Variants in SAGE1 observed in about 807,000 individuals in gnomAD.
SAGE1 encodes the protein cancer/testis antigen 14.
In SAGE1, 55 loss-of-function variants were observed where a neutral mutation model predicts 55.4. The ratio of observed to expected loss-of-function variants is 0.99; its 90% confidence interval spans 0.80 to 1.24. The LOEUF is 1.24. Among genes scored for constraint, SAGE1 ranks in the 50% most tolerant of loss-of-function variants. The probability of loss-of-function intolerance (pLI) is 0.00; values close to 1 mark genes in which losing one functional copy is unlikely to be tolerated. For missense variants in SAGE1, 710 were observed against 704.4 expected (o/e 1.01, Z -0.09); for synonymous variants, 240 against 244.3 (o/e 0.98, Z 0.17).
At chrX:135,900,784 CT>C (rs782447887) in intron 2 of SAGE1, among the ~76,000 whole-genome samples, 132 of 110,695 alleles carry the variant, frequency 1.2e-3, no homozygotes, top group Non-Finnish European at 2.1e-3. Flanking sequence ...TCAATCTATC[CT>C]ACCCTTCATT....
chrX:135,905,908 A>T (rs2088777572), intron 5 of SAGE1, 116 bp from the exon 6 acceptor site: 2 of 658,281 alleles, frequency 3.0e-6, no homozygotes, highest in Non-Finnish European at 4.6e-6. Flanking sequence ...TCACCACCTG[A>T]TATGTCCTCC....
At chrX:135,893,811 C>A (rs1315949574) in intron 1 of SAGE1, among the ~76,000 whole-genome samples, 30 bp downstream of exon 1, 1 of 111,738 alleles carries the variant, frequency 8.9e-6, no homozygotes, top group Non-Finnish European at 1.9e-5. Flanking sequence ...GCAAATATAT[C>A]TTGTGATATA....
chrX:135,902,425 ATACTC>A (rs2088695859), intron 3 of SAGE1, among the ~76,000 whole-genome samples: 1 of 112,290 alleles, frequency 8.9e-6, no homozygotes, highest in Non-Finnish European at 1.9e-5. Context: ...CTCTCCAAAA[ATACTC>A]TACTTTTAGC....
At chrX:135,902,187 A>C (rs1190308499) in intron 3 of SAGE1, among the ~76,000 whole-genome samples, 1 of 110,952 alleles carries the variant, frequency 9.0e-6, no homozygotes, top group Admixed American at 9.6e-5. Context: ...CCCAAAGCTT[A>C]ATCCTAGACT....
Position 135,911,615 on chromosome X carries a change from T to C in SAGE1, c.2183T>C (p.Met728Thr), listed in dbSNP as rs1556606582. 2 of 1,207,766 alleles carry C rather than the reference T, an allele frequency of 1.7e-6. No individual in the cohort carries two copies. Among genetic ancestry groups the C allele is most frequent in the Non-Finnish European group, 2.2e-6 (2 of 892,501 alleles). The change falls in exon 18 of 20, where the codon ATG (methionine) becomes ACG (threonine). Residue 728 changes from methionine (M) to threonine (T), a missense_variant. Coordinates refer to ENST00000370709, the MANE Select transcript of SAGE1 (RefSeq NM_001381902.1). ...TVIHDIQEEE[M>T]ENDQTPPDGF... is the part of the protein sequence containing the mutation. ...ATTCACGATATCCAGGAGGAGGAGA[T>C]GGAAAATGATCAAACCCCTCCTGAT...
intron 2 of SAGE1, among the ~76,000 whole-genome samples, chrX:135,898,566 C>A (rs1556595030): frequency 1.8e-5 from 2 of 111,765 alleles, no homozygotes; most frequent in Non-Finnish European, 3.8e-5. Context: ...CAGGAATCAC[C>A]ACACTGTCAT....
At chrX:135,907,526 G>T in intron 9 of SAGE1, 73 bp downstream of exon 9, 1 of 1,054,977 alleles carries the variant, frequency 9.5e-7, no homozygotes, top group South Asian at 2.2e-5. Context: ...AGGGAAGGAG[G>T]TTGTTTTATT....
In SAGE1 at chrX:135,908,940, T is replaced by A. The variant is rs1454230023; in HGVS notation, c.1518T>A (p.Asn506Lys). 8.3e-7 allele frequency: 1 copy of A among 1,207,416 alleles called. No homozygotes were observed. The highest frequency in any genetic ancestry group is 1.1e-6 in the Non-Finnish European group (1 of 893,168). ...GKPQTDKVIS[N>K]DAPQLGHMAA... ...CCCAAACTGATAAGGTCATATCAAA[T>A]GATGCACCACAGCTTGGTCATATGG... Residue 506 changes from asparagine to lysine, a missense_variant, in exon 13 of 20, where the codon AAT becomes AAA. Asn to Lys is a moderately conservative substitution (Grantham distance 94, BLOSUM62 0). Coordinates refer to ENST00000370709, the MANE Select transcript of SAGE1 (RefSeq NM_001381902.1).
Position 135,904,512 on chromosome X carries a change from A to T in SAGE1, c.256A>T (p.Ile86Leu). ...AVTHSICEER[I>L]NNGQPVADNV... is the part of the protein sequence containing the mutation. ...CACTCACAGCATTTGTGAAGAGAGG[A>T]TAAATAACGGCCAACCAGTAGCTGA... The change falls in exon 4 of 20, where the codon ATA becomes TTA. Residue 86 changes from isoleucine (I) to leucine (L), a missense_variant. By Grantham distance (5) the Ile-to-Leu change is conservative (BLOSUM62 2). Transcript: ENST00000370709. 1 of 1,207,225 alleles carries T rather than the reference A, an allele frequency of 8.3e-7. No homozygotes were observed. The highest frequency in any genetic ancestry group is 1.1e-6 in the Non-Finnish European group (1 of 892,450).
chrX:135,901,141 TAAAAAAAAAAA>T, intron 2 of SAGE1, among the ~76,000 whole-genome samples: 1 of 48,825 alleles, frequency 2.0e-5, no homozygotes, highest in Admixed American at 2.8e-4. Context: ...AGACTCCGTC[TAAAAAAAAAAA>T]AAAAAAAAAA....
chrX:135,899,323 G>A (rs1334220744), intron 2 of SAGE1, among the ~76,000 whole-genome samples: 2 of 111,533 alleles, frequency 1.8e-5, no homozygotes, highest in African/African-American at 6.5e-5. Flanking sequence ...TCTTATTTCC[G>A]AGTTCTCTAT....
Position 135,908,961 on chromosome X carries a change from T to C in SAGE1, c.1539T>C (p.His513=). 8.3e-7 allele frequency: 1 copy of C among 1,210,064 alleles called. No individual in the cohort carries two copies. The highest frequency in any genetic ancestry group is 2.2e-5 in the Admixed American group (1 of 46,034). ...VISNDAPQLG[H]MAAGGIPSMS... Reference sequence around the variant, plus strand: ...CAAATGATGCACCACAGCTTGGTCATATGGCTGCAGGTGGTATTCCATCCA... The same window carrying C: ...CAAATGATGCACCACAGCTTGGTCACATGGCTGCAGGTGGTATTCCATCCA... Residue 513 remains histidine, a synonymous_variant, in exon 13 of 20, where the codon CAT becomes CAC. Coordinates refer to ENST00000370709, the MANE Select transcript of SAGE1 (RefSeq NM_001381902.1).
intron 3 of SAGE1, among the ~76,000 whole-genome samples, chrX:135,904,064 T>A: frequency 9.0e-6 from 1 of 111,524 alleles, no homozygotes. Flanking sequence ...CAGCTCAACC[T>A]CTTCATTTGG....
Position 135,910,026 on chromosome X carries a change from C to T in SAGE1, c.1724-4C>T. On this transcript the variant is annotated splice_polypyrimidine_tract_variant and splice_region_variant and intron_variant, in intron 14 of 19. Coordinates refer to ENST00000370709, the MANE Select transcript of SAGE1 (RefSeq NM_001381902.1). ...AAAACTTAACCTCTTTATTTCTGTT[C>T]CAGATGCTACCGTCACTCACAATGT... The T allele has an allele frequency of 8.3e-7, 1 of 1,206,980 alleles. No homozygotes were observed. Among genetic ancestry groups the T allele is most frequent in the Non-Finnish European group, 1.1e-6 (1 of 893,123 alleles).
chrX:135,897,874 G>A (rs1164443194), intron 2 of SAGE1, among the ~76,000 whole-genome samples: 3 of 110,738 alleles, frequency 2.7e-5, no homozygotes, highest in African/African-American at 9.9e-5. Flanking sequence ...TGCCCGACGT[G>A]TCCATGTGTT....
Position 135,909,754 on chromosome X carries a change from TC to T in SAGE1, c.1700del (p.Pro567ArgfsTer3), listed in dbSNP as rs2088861127. ...GLTYLTVAGIPAMSTRDQYAT... is the reference protein window; with the variant it reads ...GLTYLTVAGIXAMSTRDQYAT... ...TTACTTATTTGACAGTAGCTGGTAT[TC>T]CGGCCATGAGTACCAGGGATCAGTG... On this transcript the variant is annotated frameshift_variant, in exon 14 of 20. Transcript: ENST00000370709. LOFTEE classifies it high-confidence loss of function. The T allele has an allele frequency of 8.3e-7, 1 of 1,203,612 alleles. No homozygotes were observed. The highest frequency in any genetic ancestry group is 1.8e-5 in the African/African-American group (1 of 57,074).
At chrX:135,898,028 T>A (rs1201016818) in intron 2 of SAGE1, among the ~76,000 whole-genome samples, 1 of 111,822 alleles carries the variant, frequency 8.9e-6, no homozygotes, top group Non-Finnish European at 1.9e-5. Context: ...ATTTTTTTTC[T>A]TTTTTTTGAG....
intron 1 of SAGE1, among the ~76,000 whole-genome samples, chrX:135,895,103 A>G (rs1556592633): frequency 1.8e-5 from 2 of 111,376 alleles, no homozygotes; most frequent in African/African-American, 6.5e-5. Flanking sequence ...ACCATGAGTT[A>G]GATACTGTTT....
At position 135,908,215 on chromosome X, in the gene SAGE1, G is replaced by A. The variant is rs2088830905; in HGVS notation, c.1286G>A (p.Ser429Asn). ...GCAGGAGCTGGTATTCCACCCATGA[G>A]TACCAGGGATCAGTGTATGTTTGCT... The part of the protein sequence containing the change: ...NLAGAGIPPM[S>N]TRDQYATVNH... The change falls in exon 11 of 20, where the codon AGT (serine) becomes AAT (asparagine). Residue 429 changes from serine to asparagine, a missense_variant. Ser to Asn is a conservative substitution (Grantham distance 46). Coordinates refer to ENST00000370709, the MANE Select transcript of SAGE1 (RefSeq NM_001381902.1). 1 of 1,205,131 alleles carries A rather than the reference G, an allele frequency of 8.3e-7. No individual in the cohort carries two copies. Among genetic ancestry groups the A allele is most frequent in the Non-Finnish European group, 1.1e-6 (1 of 891,123 alleles).
Sources: gnomAD v4.1 joint callset for allele counts (sites outside exome capture counted in the v4.1 genomes callset) on GRCh38, gnomAD v4.1.1 for gene constraint, MANE v1.5 for transcripts, NCBI Gene and HGNC (gene_info 2026-07-23, HGNC 2026-07-21) for gene names.